The following TMEM161B variants were observed in gnomAD, a reference collection of about 807,000 sequenced individuals.
TMEM161B encodes transmembrane protein 161B.
A neutral mutation model predicts 61.8 loss-of-function variants in TMEM161B; 34 were observed. The ratio of observed to expected loss-of-function variants is 0.55; its 90% confidence interval spans 0.42 to 0.73. The LOEUF (loss-of-function observed/expected upper bound fraction) is 0.73. Ranked by LOEUF, TMEM161B falls within the 30% of genes least tolerant of loss-of-function variation. The probability of loss-of-function intolerance (pLI) is 0.00; values close to 1 mark genes in which losing one functional copy is unlikely to be tolerated. For missense variants in TMEM161B, 456 were observed against 558.5 expected, an observed-to-expected ratio of 0.82 and a Z score of 1.85; for synonymous variants, 167 against 192.8, an observed-to-expected ratio of 0.87 and a Z score of 1.11.
intron 1 of TMEM161B, among the ~76,000 whole-genome samples, chr5:88,256,734 A>C (rs1399245219): frequency 6.6e-6 from 1 of 152,230 alleles, no homozygotes; most frequent in Non-Finnish European, 1.5e-5. Context: ...GGCAGATATT[A>C]AACACAAGTT....
intron 1 of TMEM161B, among the ~76,000 whole-genome samples, chr5:88,262,672 A>G (rs1425153494): frequency 6.6e-6 from 1 of 152,156 alleles, no homozygotes; most frequent in African/African-American, 2.4e-5. Flanking sequence ...TAAGATTCCA[A>G]CTATATCCAA....
chr5:88,207,669 C>T (rs753707772), intron 5 of TMEM161B, among the ~76,000 whole-genome samples: 1 of 152,136 alleles, frequency 6.6e-6, no homozygotes, highest in African/African-American at 2.4e-5. Flanking sequence ...CAAGTTCCAA[C>T]TGAGTATTCA....
rs1308218650 is a variant in TMEM161B, at chr5:88,225,092, TGA to T, written c.289+675_289+676del. On this transcript the variant is annotated intron_variant, in intron 4 of 11. Transcript: ENST00000296595. ...ACGTCATTCTCCTGCCTCAGCTCCC[TGA>T]GTAGCTGGGACTACAGGCGCCTGCC... Among the ~76,000 whole-genome samples the T allele has an allele frequency of 2.7e-5, 4 of 149,738 alleles. No individual in the cohort carries two copies. In the South Asian group the frequency reaches 8.6e-4, roughly 32 times the overall value.
downstream of TMEM161B, among the ~76,000 whole-genome samples, chr5:88,188,981 C>T (rs1011515790): frequency 1.3e-5 from 2 of 152,138 alleles, no homozygotes; most frequent in Non-Finnish European, 2.9e-5. Flanking sequence ...CTCATTCCCC[C>T]CTTTGAGAAC....
downstream of TMEM161B, chr5:88,190,392 A>G (rs1047633843): frequency 6.3e-6 from 4 of 631,036 alleles, no homozygotes; most frequent in Middle Eastern, 4.2e-4. Flanking sequence ...CAGCCAGTAC[A>G]ATTGCAGCTC....
chr5:88,263,656 A>G (rs1316081048), intron 1 of TMEM161B, among the ~76,000 whole-genome samples: 2 of 152,232 alleles, frequency 1.3e-5, no homozygotes, highest in African/African-American at 2.4e-5. Flanking sequence ...TCAGAAAATA[A>G]TAACTTCTCT....
intron 1 of TMEM161B, among the ~76,000 whole-genome samples, chr5:88,254,308 G>C (rs1361018648): frequency 6.6e-6 from 1 of 152,136 alleles, no homozygotes; most frequent in Non-Finnish European, 1.5e-5. Flanking sequence ...CCAGTAGATA[G>C]AGTTATTTGA....
chr5:88,207,567 T>C (rs1745763652), intron 5 of TMEM161B, among the ~76,000 whole-genome samples: 1 of 152,214 alleles, frequency 6.6e-6, no homozygotes, highest in Non-Finnish European at 1.5e-5. Flanking sequence ...TTTGAGAATT[T>C]TACTAGTAGC....
intron 1 of TMEM161B, among the ~76,000 whole-genome samples, chr5:88,267,281 G>A (rs562593485): frequency 4.2e-4 from 63 of 151,740 alleles, no homozygotes; most frequent in Non-Finnish European, 7.1e-4. Context: ...CCCTATCCTT[G>A]TCTAATTTCA....
Position 88,216,068 on chromosome 5 carries a change from G to T in TMEM161B, c.446+4495C>A, listed in dbSNP as rs369031670. 1.2e-3 allele frequency among the ~76,000 whole-genome samples: 183 copies of T among 152,238 alleles called. 1 individual carries two copies. The highest frequency in any genetic ancestry group is 4.1e-3 in the African/African-American group (170 of 41,562). On this transcript the variant is annotated intron_variant, in intron 5 of 11. Coordinates refer to ENST00000296595, the MANE Select transcript of TMEM161B (RefSeq NM_153354.5). The stretch of plus-strand genomic sequence containing the variant: ...AGGCCAGGAGTTTAAGATTAGCCTG[G>T]ACAGCATAGTGAGACCCCATCTCTA...
At chr5:88,222,166 T>G (rs1749122288) in intron 4 of TMEM161B, among the ~76,000 whole-genome samples, 2 of 152,206 alleles carry the variant, frequency 1.3e-5, no homozygotes, top group Admixed American at 1.3e-4. Context: ...CTTCTCGGGC[T>G]CAAACAATCT....
Position 88,268,819 on chromosome 5 carries a change from C to T in TMEM161B, c.-96G>A. 1.9e-6 allele frequency: 3 copies of T among 1,597,008 alleles called. No homozygotes were observed. Among genetic ancestry groups the T allele is most frequent in the Non-Finnish European group, 1.7e-6 (2 of 1,168,448 alleles). On this transcript the variant is annotated 5_prime_UTR_variant, in exon 1 of 12. Transcript: ENST00000296595. ...GTCCTTGAGCCGAGAGACTCTCAAA[C>T]AGCGAAAGAGAGGGTCTTCCGGCTC...
chr5:88,198,802 G>T, intron 10 of TMEM161B, 174 bp downstream of exon 10: 1 of 614,556 alleles, frequency 1.6e-6, no homozygotes, highest in Non-Finnish European at 2.7e-6. Flanking sequence ...GACCTCACTT[G>T]GCACCAAAAT....
downstream of TMEM161B, among the ~76,000 whole-genome samples, chr5:88,191,982 GTATATATATATATATATATATATATATA>G (rs67658909): frequency 0.017 from 335 of 19,672 alleles, 22 homozygotes; most frequent in African/African-American, 0.062. Context: ...AAAAAAAAGT[GTATATATATATATATATATATATATATA>G]TATATATATA....
chr5:88,244,741 C>T (rs960468364), intron 1 of TMEM161B, among the ~76,000 whole-genome samples: 2 of 151,782 alleles, frequency 1.3e-5, no homozygotes, highest in African/African-American at 4.8e-5. Flanking sequence ...GCAGTATGGC[C>T]ATTTGGACAA....
rs114949501 is a variant in TMEM161B at position 88,227,891 on chromosome 5, T to G, written c.191+554A>C. On this transcript the variant is annotated intron_variant, in intron 3 of 11. Transcript: ENST00000296595. The stretch of plus-strand genomic sequence containing the variant: ...GGAAGGATTATTCAAAACATTGTTT[T>G]GTTTACTCTGTCCAAGTCACAGATG... Among the ~76,000 whole-genome samples, 1,052 of 152,306 alleles carry G rather than the reference T, an allele frequency of 6.9e-3. 12 individuals are homozygous for G. Among genetic ancestry groups the G allele is most frequent in the African/African-American group, 0.024 (988 of 41,568 alleles).
intron 10 of TMEM161B, 63 bp downstream of exon 10, chr5:88,198,910 AATT>A: frequency 1.6e-6 from 2 of 1,277,934 alleles, no homozygotes; most frequent in Non-Finnish European, 1.1e-6. Context: ...AAAGGAAACC[AATT>A]TTTTTTTTTT....
chr5:88,208,439 G>C (rs1322912027), intron 5 of TMEM161B, among the ~76,000 whole-genome samples: 1 of 149,872 alleles, frequency 6.7e-6, no homozygotes, highest in Admixed American at 6.7e-5. Flanking sequence ...CTGAGATCGC[G>C]CCACTGCACT....
At chr5:88,206,343 C>G in intron 7 of TMEM161B, 96 bp downstream of exon 7, 2 of 1,037,660 alleles carry the variant, frequency 1.9e-6, no homozygotes, top group South Asian at 3.3e-5. Context: ...ACTTAAAACT[C>G]TTTACTAATT....
Sources: gnomAD v4.1 joint callset for allele counts (sites outside exome capture counted in the v4.1 genomes callset) on GRCh38, gnomAD v4.1.1 for gene constraint, MANE v1.5 for transcripts, NCBI Gene and HGNC (gene_info 2026-07-23, HGNC 2026-07-21) for gene names.